B3GALT1: variants seen among roughly 807,000 people sequenced by gnomAD.
B3GALT1 encodes UDP-Gal:betaGlcNAc beta 1,3-galactosyltransferase, polypeptide 1.
A neutral mutation model predicts 23.2 loss-of-function variants in B3GALT1; 10 were observed. That is an observed-to-expected ratio of 0.43 (90% confidence interval 0.27 to 0.73). The LOEUF (loss-of-function observed/expected upper bound fraction) is 0.73. Ranked by LOEUF, B3GALT1 falls within the 30% of genes least tolerant of loss-of-function variation. The probability of loss-of-function intolerance (pLI) is 0.21; values close to 1 mark genes in which losing one functional copy is unlikely to be tolerated. For missense variants in B3GALT1, 299 were observed against 405.4 expected (o/e 0.74, Z 2.25); for synonymous variants, 156 against 141.5 (o/e 1.10, Z -0.73).
intron 4 of B3GALT1, among the ~76,000 whole-genome samples, chr2:167,863,051 T>TA (rs1220842023): frequency 6.6e-6 from 1 of 152,210 alleles, no homozygotes; most frequent in Non-Finnish European, 1.5e-5. Flanking sequence ...TGACAAGTGT[T>TA]ACACGTGCAA....
chr2:167,646,262 G>C (rs1408609852), intron 2 of B3GALT1, among the ~76,000 whole-genome samples: 1 of 152,292 alleles, frequency 6.6e-6, no homozygotes, highest in African/African-American at 2.4e-5. Context: ...AGCAGGTTGG[G>C]TAAAGGAAGA....
At chr2:167,746,161 T>C (rs1687648889) in intron 3 of B3GALT1, among the ~76,000 whole-genome samples, 1 of 151,988 alleles carries the variant, frequency 6.6e-6, no homozygotes, top group Non-Finnish European at 1.5e-5. Flanking sequence ...AAAACTGTTA[T>C]TATTATTGTT....
chr2:167,818,515 T>G (rs1419305360), intron 3 of B3GALT1, among the ~76,000 whole-genome samples, 157 bp from the exon 4 acceptor site: 1 of 152,228 alleles, frequency 6.6e-6, no homozygotes, highest in Non-Finnish European at 1.5e-5. Flanking sequence ...TTTCATTCAG[T>G]CCACCTCTAT....
intron 1 of B3GALT1, among the ~76,000 whole-genome samples, chr2:167,349,390 T>A (rs79402660): frequency 0.016 from 2,426 of 152,246 alleles, 17 homozygotes; most frequent in Non-Finnish European, 0.024. Context: ...TTATTTTACT[T>A]CATAATGGCC....
At chr2:167,450,129 TTC>T (rs1699064399) in intron 1 of B3GALT1, among the ~76,000 whole-genome samples, 1 of 152,282 alleles carries the variant, frequency 6.6e-6, no homozygotes, top group African/African-American at 2.4e-5. Context: ...GGAGAATTCC[TTC>T]TTTCTATTTT....
intron 1 of B3GALT1, among the ~76,000 whole-genome samples, chr2:167,474,165 T>C (rs1699457112): frequency 6.6e-6 from 1 of 152,192 alleles, no homozygotes; most frequent in African/African-American, 2.4e-5. Context: ...TTAATATGGA[T>C]AATTTCTAAT....
At chr2:167,774,861 A>G (rs1688134723) in intron 3 of B3GALT1, among the ~76,000 whole-genome samples, 1 of 152,110 alleles carries the variant, frequency 6.6e-6, no homozygotes, top group South Asian at 2.1e-4. Flanking sequence ...ACATTAATAA[A>G]CTTATTAAAA....
intron 2 of B3GALT1, among the ~76,000 whole-genome samples, chr2:167,538,748 A>G (rs576712606): frequency 2.0e-5 from 3 of 152,254 alleles, no homozygotes; most frequent in Non-Finnish European, 4.4e-5. Context: ...CATTATATAA[A>G]TCATAGAAAC....
intron 3 of B3GALT1, among the ~76,000 whole-genome samples, chr2:167,660,523 G>A (rs1359117063): frequency 6.6e-6 from 1 of 152,112 alleles, no homozygotes. Context: ...AGGGGCCTGA[G>A]TATTTTCCAT....
intron 1 of B3GALT1, among the ~76,000 whole-genome samples, chr2:167,335,735 C>T (rs1185580219): frequency 2.0e-5 from 3 of 152,156 alleles, no homozygotes; most frequent in Non-Finnish European, 2.9e-5. Context: ...AGTTCACTTT[C>T]GTTGCCTTGA....
At chr2:167,842,287 G>C (rs990078496) in intron 4 of B3GALT1, among the ~76,000 whole-genome samples, 2 of 152,288 alleles carry the variant, frequency 1.3e-5, no homozygotes, top group Non-Finnish European at 1.5e-5. Flanking sequence ...GCCTGGCCAA[G>C]TAAAACTCCA....
intron 4 of B3GALT1, among the ~76,000 whole-genome samples, chr2:167,855,054 C>A (rs949798350): frequency 6.6e-6 from 1 of 152,028 alleles, no homozygotes; most frequent in Non-Finnish European, 1.5e-5. Context: ...AGGAAGTAGC[C>A]CAGTGAATGG....
chr2:167,484,691 ACC>A, intron 1 of B3GALT1, among the ~76,000 whole-genome samples: 1 of 152,154 alleles, frequency 6.6e-6, no homozygotes, highest in Admixed American at 6.5e-5. Flanking sequence ...ATAAGTGGCT[ACC>A]CTTAGAGGCA....
chr2:167,342,070 A>G (rs1242596497), intron 1 of B3GALT1, among the ~76,000 whole-genome samples: 1 of 152,244 alleles, frequency 6.6e-6, no homozygotes, highest in Non-Finnish European at 1.5e-5. Context: ...CAGCAGAGAA[A>G]TAACTAAAAT....
rs144782385 is a variant in B3GALT1 at position 167,843,866 on chromosome 2, C to G, written c.-229-24945C>G. Among the ~76,000 whole-genome samples the G allele has an allele frequency of 3.9e-5, 6 of 152,304 alleles. No individual in the cohort carries two copies. The East Asian group carries it at 1.2e-3, about 29-fold the overall frequency. On this transcript the variant is annotated intron_variant, in intron 4 of 4. Coordinates refer to ENST00000392690, the MANE Select transcript of B3GALT1 (RefSeq NM_020981.4). ...ATGAGTATGATCTGAGGACTCCAGA[C>G]AGCAGATCATTGTTAGTGCCTTTGT... is the stretch of plus-strand genomic sequence containing the variant.
intron 2 of B3GALT1, among the ~76,000 whole-genome samples, chr2:167,584,712 A>G (rs1001741108): frequency 2.6e-5 from 4 of 152,166 alleles, no homozygotes; most frequent in African/African-American, 9.7e-5. Flanking sequence ...CTAATTTGCT[A>G]GAGTGACTCA....
Position 167,563,190 on chromosome 2 carries a change from C to T in B3GALT1, c.-410+72913C>T, listed in dbSNP as rs193194726. 3.3e-3 allele frequency among the ~76,000 whole-genome samples: 495 copies of T among 151,374 alleles called. 10 individuals carry two copies. In the East Asian group the frequency reaches 0.068, roughly 21 times the overall value. ...CACACCTCCCAGACAGGGTGGTGGC[C>T]GGGCAGAGGGGCTCCTCACCTCCCA... On this transcript the variant is annotated intron_variant, in intron 2 of 4. Coordinates refer to ENST00000392690, the MANE Select transcript of B3GALT1 (RefSeq NM_020981.4).
chr2:167,803,191 G>A (rs1027160757), intron 3 of B3GALT1, among the ~76,000 whole-genome samples: 1 of 151,852 alleles, frequency 6.6e-6, no homozygotes, highest in Admixed American at 6.6e-5. Flanking sequence ...TCTACTTAGA[G>A]CCAATCCTTA....
chr2:167,668,466 G>A (rs1185931645), intron 3 of B3GALT1, among the ~76,000 whole-genome samples: 2 of 152,268 alleles, frequency 1.3e-5, no homozygotes, highest in Admixed American at 6.5e-5. Context: ...CTTGAGCTGT[G>A]GTGGGCTTCA....
Sources: gnomAD v4.1 joint callset for allele counts (sites outside exome capture counted in the v4.1 genomes callset) on GRCh38, gnomAD v4.1.1 for gene constraint, MANE v1.5 for transcripts, NCBI Gene and HGNC (gene_info 2026-07-23, HGNC 2026-07-21) for gene names.